The following DPP6 variants were observed in gnomAD, a reference collection of about 807,000 sequenced individuals.
DPP6 encodes the protein dipeptidyl peptidase like 6, also known as A-type potassium channel modulatory protein DPP6.
DPP6 carries 69 observed loss-of-function variants against 122.6 expected under a neutral mutation model. That is an observed-to-expected ratio of 0.56 (90% CI 0.46 to 0.69). DPP6 has a LOEUF of 0.69. Among genes scored for constraint, DPP6 ranks in the 30% least tolerant of loss-of-function variants. The pLI is 0.00. For synonymous variants in DPP6, 418 were observed against 433.1 expected (o/e 0.97, Z 0.43); for missense variants, 928 against 1,116.9 (o/e 0.83, Z 2.41).
At chr7:154,636,341 G>A (rs945750914) in intron 5 of DPP6, among the ~76,000 whole-genome samples, 3 of 152,170 alleles carry the variant, frequency 2.0e-5, no homozygotes, top group Admixed American at 2.0e-4. Flanking sequence ...GGTCCTCTCT[G>A]AGCGGTGACC....
intron 1 of DPP6, among the ~76,000 whole-genome samples, chr7:154,285,045 T>C (rs899430644): frequency 2.0e-5 from 3 of 152,138 alleles, no homozygotes; most frequent in African/African-American, 4.8e-5. Context: ...GACTACAAAA[T>C]TGCTGTTTGG....
At chr7:154,540,655 A>C (rs780782645) in intron 4 of DPP6, 29 bp downstream of exon 4, 2 of 1,373,604 alleles carry the variant, frequency 1.5e-6, no homozygotes, top group Non-Finnish European at 2.0e-6. Context: ...GACCGGGATA[A>C]TTTCAGTTTT....
intron 1 of DPP6, among the ~76,000 whole-genome samples, chr7:154,369,232 T>C (rs2151115172): frequency 6.6e-6 from 1 of 152,248 alleles, no homozygotes; most frequent in East Asian, 1.9e-4. Flanking sequence ...ATAGCTGGGA[T>C]TAAAGACACG....
At chr7:154,475,284 C>G in intron 3 of DPP6, 1 of 454,320 alleles carries the variant, frequency 2.2e-6, no homozygotes. Context: ...AGAAATGGGT[C>G]TGCTGAAGAC....
At chr7:154,852,081 C>T (rs751264473) in intron 16 of DPP6, among the ~76,000 whole-genome samples, 12 of 152,186 alleles carry the variant, frequency 7.9e-5, no homozygotes, top group Admixed American at 6.5e-4. Context: ...GCCACATGCT[C>T]TTTGGGCCCT....
the DPP6 span, among the ~76,000 whole-genome samples, chr7:153,845,488 T>G: frequency 2.0e-5 from 3 of 152,024 alleles, no homozygotes; most frequent in African/African-American, 7.2e-5. Flanking sequence ...TTTTCTCTTA[T>G]ATTTTAGATA....
intron 1 of DPP6, among the ~76,000 whole-genome samples, chr7:154,106,739 G>A (rs998763240): frequency 6.6e-6 from 1 of 152,142 alleles, no homozygotes; most frequent in African/African-American, 2.4e-5. Flanking sequence ...GTGAGAGCAG[G>A]TGCACAGTCC....
chr7:154,512,990 A>C (rs1826206118), intron 3 of DPP6, among the ~76,000 whole-genome samples: 1 of 152,208 alleles, frequency 6.6e-6, no homozygotes, highest in Admixed American at 6.5e-5. Flanking sequence ...ACTGTGCCTA[A>C]GCAATGAGAA....
At chr7:154,324,873 T>TTTA (rs1276543307) in intron 1 of DPP6, among the ~76,000 whole-genome samples, 2 of 145,746 alleles carry the variant, frequency 1.4e-5, no homozygotes, top group South Asian at 2.3e-4. Context: ...TGTTATTTTT[T>TTTA]TTTTTTTTTT....
At chr7:154,346,605 G>A (rs898430922) in intron 1 of DPP6, among the ~76,000 whole-genome samples, 4 of 152,106 alleles carry the variant, frequency 2.6e-5, no homozygotes, top group African/African-American at 9.7e-5. Flanking sequence ...CAGTGCCCAG[G>A]CCCTCCTTCA....
rs144356604 is a variant in DPP6 at position 154,352,192 on chromosome 7, G to A, written c.244-94022G>A. 1.0e-3 allele frequency among the ~76,000 whole-genome samples: 157 copies of A among 152,264 alleles called. 1 individual carries two copies. Among genetic ancestry groups the A allele is most frequent in the African/African-American group, 3.7e-3 (153 of 41,566 alleles). Reference sequence around the variant, plus strand: ...AAACATTAAAGACAAGGCCGGGCACGGTGGCTCACGCCTGTAATCCCAGCA... The same window carrying A: ...AAACATTAAAGACAAGGCCGGGCACAGTGGCTCACGCCTGTAATCCCAGCA... On this transcript the variant is annotated intron_variant, in intron 1 of 25. Transcript: ENST00000377770.
At chr7:154,744,437 C>T (rs976043360) in intron 8 of DPP6, among the ~76,000 whole-genome samples, 1 of 152,166 alleles carries the variant, frequency 6.6e-6, no homozygotes, top group African/African-American at 2.4e-5. Flanking sequence ...GAGGCATGTT[C>T]GGGGAGCCGA....
intron 7 of DPP6, among the ~76,000 whole-genome samples, chr7:154,687,616 AT>A (rs1341564988): frequency 6.6e-6 from 1 of 151,828 alleles, no homozygotes; most frequent in African/African-American, 2.4e-5. Flanking sequence ...CAATTACATT[AT>A]TTCCAAGATC....
intron 1 of DPP6, among the ~76,000 whole-genome samples, chr7:154,386,399 A>G (rs977166246): frequency 6.6e-6 from 1 of 151,978 alleles, no homozygotes; most frequent in African/African-American, 2.4e-5. Context: ...AGGAGACTGA[A>G]CTTGGAGAGA....
the DPP6 span, among the ~76,000 whole-genome samples, chr7:153,783,548 G>A: frequency 6.6e-6 from 1 of 152,150 alleles, no homozygotes; most frequent in Non-Finnish European, 1.5e-5. Context: ...ACATTCAGGT[G>A]TTTCTGACTG....
chr7:153,879,379 G>C, the DPP6 span, among the ~76,000 whole-genome samples: 76 of 152,138 alleles, frequency 5.0e-4, no homozygotes, highest in Admixed American at 8.5e-4. Flanking sequence ...TTATTTATTT[G>C]TTTCTTTCTT....
At chr7:154,743,524 G>T (rs1842907231) in intron 8 of DPP6, among the ~76,000 whole-genome samples, 1 of 152,156 alleles carries the variant, frequency 6.6e-6, no homozygotes, top group African/African-American at 2.4e-5. Context: ...AAGAAAGAAG[G>T]CTGAATTTTC....
chr7:154,093,287 TACAC>T (rs1805012274), intron 1 of DPP6, among the ~76,000 whole-genome samples: 1 of 133,304 alleles, frequency 7.5e-6, no homozygotes, highest in African/African-American at 2.9e-5. Flanking sequence ...ATACACACCA[TACAC>T]ACACATCAAA....
intron 3 of DPP6, among the ~76,000 whole-genome samples, chr7:154,482,154 AG>A (rs1366352190): frequency 1.3e-5 from 2 of 152,230 alleles, no homozygotes; most frequent in African/African-American, 4.8e-5. Flanking sequence ...CCTTCCAGGC[AG>A]GGTGGAACAA....
Sources: gnomAD v4.1 joint callset for allele counts (sites outside exome capture counted in the v4.1 genomes callset) on GRCh38, gnomAD v4.1.1 for gene constraint, MANE v1.5 for transcripts, NCBI Gene and HGNC (gene_info 2026-07-23, HGNC 2026-07-21) for gene names.